EXD3: variants seen among roughly 807,000 people sequenced by gnomAD.
EXD3 encodes the protein exonuclease 3'-5' domain containing 3.
EXD3 carries 92 observed loss-of-function variants against 98.0 expected under a neutral mutation model. That is an observed-to-expected ratio of 0.94 (90% CI 0.79 to 1.12). The LOEUF (loss-of-function observed/expected upper bound fraction) is 1.12, where lower values mean the gene tolerates loss of function less well. Among genes scored for constraint, EXD3 ranks in the 50% most tolerant of loss-of-function variants. The probability of loss-of-function intolerance (pLI) is 0.00; values close to 1 mark genes in which losing one functional copy is unlikely to be tolerated. For synonymous variants in EXD3, 569 were observed against 526.0 expected, an observed-to-expected ratio of 1.08 and a Z score of -1.12; for missense variants, 1,222 against 1,191.6, an observed-to-expected ratio of 1.03 and a Z score of -0.38.
intron 17 of EXD3, among the ~76,000 whole-genome samples, chr9:137,334,271 G>A (rs111377253): frequency 0.014 from 2,193 of 152,250 alleles, 32 homozygotes; most frequent in African/African-American, 0.048. Context: ...CAAAGTCCTG[G>A]GATTACAGGC....
In EXD3 at chr9:137,339,964, C is replaced by T. The variant is rs145550560; in HGVS notation, c.1998+8107G>A. Among the ~76,000 whole-genome samples, 322 of 152,260 alleles carry T rather than the reference C, an allele frequency of 2.1e-3. 1 individual carries two copies. The highest frequency in any genetic ancestry group is 7.4e-3 in the African/African-American group (306 of 41,538). ...TAAAACCCTCATAGTTTGCAGATGA[C>T]GTGTACGAACAGAACCCCAAATAAT... On this transcript the variant is annotated intron_variant, in intron 17 of 21. Transcript: ENST00000340951.
At chr9:137,308,382 T>C (rs1831164634) in intron 20 of EXD3, among the ~76,000 whole-genome samples, 1 of 152,112 alleles carries the variant, frequency 6.6e-6, no homozygotes, top group Admixed American at 6.6e-5. Context: ...GACCCTCATC[T>C]GGCCCCTCCC....
At chr9:137,321,785 G>A (rs1370286832) in intron 19 of EXD3, among the ~76,000 whole-genome samples, 1 of 152,162 alleles carries the variant, frequency 6.6e-6, no homozygotes, top group African/African-American at 2.4e-5. Flanking sequence ...GAACGTTCTG[G>A]AAGCAGCCCG....
chr9:137,362,329 C>G (rs566186914), intron 7 of EXD3, among the ~76,000 whole-genome samples: 1 of 152,072 alleles, frequency 6.6e-6, no homozygotes, highest in Admixed American at 6.6e-5. Context: ...TGCAGTCCAT[C>G]CCAAAAATGT....
chr9:137,361,896 T>C (rs527313249), intron 7 of EXD3, among the ~76,000 whole-genome samples: 32 of 152,076 alleles, frequency 2.1e-4, no homozygotes, highest in Admixed American at 3.3e-4. Flanking sequence ...AATGGGAGCA[T>C]TGACATCACT....
At chr9:137,409,593 C>T (rs1564217861) in intron 1 of EXD3, among the ~76,000 whole-genome samples, 1 of 151,936 alleles carries the variant, frequency 6.6e-6, no homozygotes, top group Non-Finnish European at 1.5e-5. Context: ...TGGCATGCGG[C>T]GTGTAGGGAG....
At position 137,351,127 on chromosome 9, in the gene EXD3, G is replaced by T; in HGVS notation, c.1405C>A (p.Leu469Met). The T allele has an allele frequency of 6.3e-7, 1 of 1,580,696 alleles. No individual in the cohort carries two copies. Among genetic ancestry groups the T allele is most frequent in the Non-Finnish European group, 8.6e-7 (1 of 1,164,210 alleles). The change falls in exon 14 of 22, where the codon CTG (leucine) becomes ATG (methionine). Residue 469 changes from leucine to methionine, a missense_variant. By Grantham distance (15) the Leu-to-Met change is conservative (BLOSUM62 2). Transcript: ENST00000340951. ...GGGCAGGACGTGCCCAGTTTTTGCA[G>T]GTCCCCCACCATCCCGTAGCCTGTG... ...TKLGYGMVGD[L>M]QKLGTSCPAL...
chr9:137,353,622 G>A (rs1019816939), intron 10 of EXD3: 2 of 985,892 alleles, frequency 2.0e-6, no homozygotes, highest in African/African-American at 1.7e-5. Context: ...GCAGCGCCCA[G>A]CCCAGGAGCA....
intron 17 of EXD3, among the ~76,000 whole-genome samples, chr9:137,327,855 T>A (rs796112699): frequency 3.1e-4 from 7 of 22,638 alleles, no homozygotes; most frequent in East Asian, 2.6e-3. Flanking sequence ...ACAACGAATA[T>A]ACTCCCACAT....
In EXD3 at chr9:137,349,330, G is replaced by C; in HGVS notation, c.1657+39C>G. 1 of 1,553,910 alleles carries C rather than the reference G, an allele frequency of 6.4e-7. No individual in the cohort carries two copies. The highest frequency in any genetic ancestry group is 1.8e-5 in the Admixed American group (1 of 54,202). On this transcript the variant is annotated intron_variant, in intron 15 of 21. Transcript: ENST00000340951. The surrounding 1 kb of genome is among the most constrained non-coding windows in gnomAD (Gnocchi z 7.4). The stretch of plus-strand genomic sequence containing the variant: ...CCTCCCGGGACAGAGGGCGGGAGGG[G>C]CGTGAGGAGGGGTCACTCCCACCCG...
intron 17 of EXD3, among the ~76,000 whole-genome samples, chr9:137,328,085 TATG>T (rs1832569752): frequency 8.7e-6 from 1 of 115,208 alleles, no homozygotes; most frequent in Non-Finnish European, 1.8e-5. Context: ...CATACTCCCA[TATG>T]ATGAGTAAAA....
At chr9:137,331,343 C>G (rs1471437247) in intron 17 of EXD3, among the ~76,000 whole-genome samples, 1 of 152,010 alleles carries the variant, frequency 6.6e-6, no homozygotes, top group Non-Finnish European at 1.5e-5. Context: ...AGAACTGCAA[C>G]AAGACAAGGA....
At chr9:137,363,971 T>C (rs1456473163) in intron 7 of EXD3, among the ~76,000 whole-genome samples, 1 of 152,178 alleles carries the variant, frequency 6.6e-6, no homozygotes, top group Non-Finnish European at 1.5e-5. Context: ...TCTTTCTTTC[T>C]TAGCATCCCT....
Position 137,385,053 on chromosome 9 carries a change from C to T in EXD3, c.56-1676G>A, listed in dbSNP as rs1419380257. Among the ~76,000 whole-genome samples, 1 of 152,186 alleles carries T rather than the reference C, an allele frequency of 6.6e-6. No homozygotes were observed. The highest frequency in any genetic ancestry group is 2.1e-4 in the South Asian group (1 of 4,796). ...GTCGCAGTGAGCCGAGATCGGGCCA[C>T]TGCACTCCAGCCTGGGCAACAGAGC... is the stretch of plus-strand genomic sequence containing the variant. On this transcript the variant is annotated intron_variant, in intron 2 of 21. Coordinates refer to ENST00000340951, the MANE Select transcript of EXD3 (RefSeq NM_017820.5). This position sits in a 1 kb window ranked among gnomAD's most constrained non-coding sequence, Gnocchi z 4.4.
chr9:137,353,696 G>A lies in EXD3; in HGVS notation c.870+643C>T, dbSNP rs1042029226. ...GGGAAATGCAGGGCCCAGCACAAGC[G>A]AGGGTCTCCCTCCCCGCAAGGTCCT... is the stretch of plus-strand genomic sequence containing the variant. On this transcript the variant is annotated intron_variant, in intron 10 of 21. Coordinates refer to ENST00000340951, the MANE Select transcript of EXD3 (RefSeq NM_017820.5). The A allele has an allele frequency of 1.1e-5, 11 of 985,562 alleles. No individual in the cohort carries two copies. The South Asian group carries it at 1.4e-4, about 13-fold the overall frequency. 61.1% of individuals were successfully genotyped at this position (985,562 alleles called of 1,614,324 possible).
intron 1 of EXD3, among the ~76,000 whole-genome samples, chr9:137,412,598 C>T (rs117972844): frequency 0.051 from 7,797 of 152,158 alleles, 288 homozygotes; most frequent in Middle Eastern, 0.095. Flanking sequence ...CAGAGCCCCC[C>T]GGGAGCAGCC....
intron 11 of EXD3, 132 bp downstream of exon 11, chr9:137,352,488 T>C: frequency 9.9e-7 from 1 of 1,008,076 alleles, no homozygotes; most frequent in Non-Finnish European, 1.4e-6. Context: ...TGTGTATAGC[T>C]GCGCTCTTTG....
rs7357658 is a variant in EXD3, at chr9:137,346,960, C to G, written c.1998+1111G>C. Among the ~76,000 whole-genome samples the G allele has an allele frequency of 7.2e-3, 1,102 of 152,128 alleles. 12 individuals are homozygous for G. The highest frequency in any genetic ancestry group is 0.025 in the African/African-American group (1,052 of 41,488). On this transcript the variant is annotated intron_variant, in intron 17 of 21. Transcript: ENST00000340951. ...CCTCCCGAGTAGCTGGGATTACAGGCGCCCGCCACCACGCCCAGCTAATTT... is the reference window on the plus strand; with the variant it reads ...CCTCCCGAGTAGCTGGGATTACAGGGGCCCGCCACCACGCCCAGCTAATTT...
chr9:137,373,051 G>C lies in EXD3; in HGVS notation c.316C>G (p.Leu106Val), dbSNP rs201919795. The change falls in exon 5 of 22, where the codon CTG (leucine) becomes GTG (valine). Residue 106 changes from leucine (L) to valine (V), a missense_variant. By Grantham distance (32) the Leu-to-Val change is conservative. Coordinates refer to ENST00000340951, the MANE Select transcript of EXD3 (RefSeq NM_017820.5). Reference protein sequence around the residue: ...LAQHSLRLKQLQARAVKVLTE... With the variant: ...LAQHSLRLKQVQARAVKVLTE... ...AGGACTTTGACCGCTCGGGCCTGCA[G>C]CTGCTTCAGCCTCAGGCTGTGCTGG... The C allele has an allele frequency of 2.9e-4, 462 of 1,591,120 alleles. No homozygotes were observed. The highest frequency in any genetic ancestry group is 3.7e-4 in the Non-Finnish European group (431 of 1,171,448).
Sources: gnomAD v4.1 joint callset for allele counts (sites outside exome capture counted in the v4.1 genomes callset) on GRCh38, gnomAD v4.1.1 for gene constraint, Gnocchi (gnomAD v3.1) non-coding constraint, MANE v1.5 for transcripts, NCBI Gene and HGNC (gene_info 2026-07-23, HGNC 2026-07-21) for gene names.